The following HOMER2 variants were observed in gnomAD, a reference collection of about 807,000 sequenced individuals.
HOMER2 encodes homer protein homolog 2.
Under a neutral mutation model 47.0 loss-of-function variants are expected in HOMER2, and 27 were observed. The ratio of observed to expected loss-of-function variants is 0.57; its 90% CI spans 0.42 to 0.79. HOMER2 has a LOEUF of 0.79. Among genes scored for constraint, HOMER2 ranks in the 30% least tolerant of loss-of-function variants. The pLI is 0.00. For missense variants in HOMER2, 443 were observed against 435.0 expected (o/e 1.02, Z -0.16); for synonymous variants, 161 against 163.8 (o/e 0.98, Z 0.13).
chr15:82,893,329 C>CTTTTTTTTTTTTTTTTTTTTTTTTTT (rs771392216), intron 1 of HOMER2, among the ~76,000 whole-genome samples: 1 of 118,960 alleles, frequency 8.4e-6, no homozygotes, highest in Non-Finnish European at 1.7e-5. Flanking sequence ...ATAATTTTAT[C>CTTTTTTTTTTTTTTTTTTTTTTTTTT]TTTTTTTTTT....
intron 1 of HOMER2, among the ~76,000 whole-genome samples, chr15:82,959,817 C>T (rs2054615630): frequency 6.6e-6 from 1 of 152,166 alleles, no homozygotes; most frequent in African/African-American, 2.4e-5. Flanking sequence ...AAAAGGAGGA[C>T]ACCCAGCTCA....
At chr15:82,882,169 G>A (rs1345935605) in intron 2 of HOMER2, among the ~76,000 whole-genome samples, 1 of 152,248 alleles carries the variant, frequency 6.6e-6, no homozygotes, top group South Asian at 2.1e-4. Flanking sequence ...ATGCCCTCAT[G>A]TGGCTCCCAT....
rs1367583324 is a variant in HOMER2, at chr15:82,884,704, G to A, written c.162+7981C>T. On this transcript the variant is annotated intron_variant, in intron 2 of 8. Transcript: ENST00000450735. ...ATGATCTGGCTCTCTGTCTGTTGTT[G>A]GTGTATAAGAATGCTTGTGATTTTT... is the stretch of plus-strand genomic sequence containing the variant. Among the ~76,000 whole-genome samples, 6 of 78,494 alleles carry A rather than the reference G, an allele frequency of 7.6e-5. 3 individuals carry two copies. The highest frequency in any genetic ancestry group is 4.4e-4 in the African/African-American group (6 of 13,670). The allele number at this position is 78,494 out of a possible 152,430, so 51.5% of individuals were successfully genotyped here. A position where few individuals can be genotyped will look rare whatever the true frequency, so the allele number is the denominator to read the frequency against.
chr15:82,896,984 G>A (rs897337824), intron 1 of HOMER2, among the ~76,000 whole-genome samples: 9 of 151,478 alleles, frequency 5.9e-5, no homozygotes, highest in Non-Finnish European at 1.2e-4. Flanking sequence ...CTGAACAGGT[G>A]GGGAAACAGG....
intron 1 of HOMER2, among the ~76,000 whole-genome samples, chr15:82,979,751 G>A (rs2030327673): frequency 2.0e-5 from 3 of 152,182 alleles, no homozygotes; most frequent in South Asian, 4.1e-4. Context: ...GGGAAACTGC[G>A]AGGAAGCATT....
chr15:82,925,867 G>C (rs989498172), intron 1 of HOMER2: 1 of 151,100 alleles, frequency 6.6e-6, no homozygotes, highest in Non-Finnish European at 1.5e-5. Flanking sequence ...ATCAGACTCT[G>C]TCAACCACCA....
chr15:82,847,611 T>C (rs775290682), downstream of HOMER2, among the ~76,000 whole-genome samples: 6 of 152,236 alleles, frequency 3.9e-5, no homozygotes, highest in Non-Finnish European at 8.8e-5. Flanking sequence ...TATCAGAATG[T>C]ACAAGTGGCT....
chr15:82,940,656 G>A (rs2054245053), intron 1 of HOMER2, among the ~76,000 whole-genome samples: 1 of 151,986 alleles, frequency 6.6e-6, no homozygotes, highest in Admixed American at 6.6e-5. Flanking sequence ...GCAGGAGAAT[G>A]GCGTGAACCT....
chr15:82,849,899 G>C lies in HOMER2; in HGVS notation c.848C>G (p.Ala283Gly), dbSNP rs758932679. 32 of 1,613,202 alleles carry C rather than the reference G, an allele frequency of 2.0e-5. No individual in the cohort carries two copies. The highest frequency in any genetic ancestry group is 2.5e-6 in the Non-Finnish European group (3 of 1,179,460). Residue 283 changes from alanine (A) to glycine (G), a missense_variant, in exon 9 of 9, where the codon GCA becomes GGA. By Grantham distance (60) the Ala-to-Gly change is moderately conservative. Transcript: ENST00000450735. Reference sequence around the variant, plus strand: ...TTCCAGGTTTTGATTGTCTCTCTCTGCCGCCTGGCCAAGCAAAAGGGAGAA... The same window carrying C: ...TTCCAGGTTTTGATTGTCTCTCTCTCCCGCCTGGCCAAGCAAAAGGGAGAA... Reference protein sequence around the residue: ...CEYVSEKLEAAERDNQNLEDK... With the variant: ...CEYVSEKLEAGERDNQNLEDK...
chr15:82,864,104 C>G, intron 4 of HOMER2, 63 bp downstream of exon 4: 1 of 1,033,498 alleles, frequency 9.7e-7, no homozygotes. Flanking sequence ...CCAGAAGTGA[C>G]AAGGAACAAA....
intron 1 of HOMER2, among the ~76,000 whole-genome samples, chr15:82,907,456 A>G (rs1472789963): frequency 6.6e-6 from 1 of 151,642 alleles, no homozygotes; most frequent in Non-Finnish European, 1.5e-5. Context: ...AGAGAAAGAA[A>G]GAAGGAAGGA....
At chr15:82,925,308 G>C (rs151178926) in intron 1 of HOMER2, among the ~76,000 whole-genome samples, 1 of 152,136 alleles carries the variant, frequency 6.6e-6, no homozygotes, top group African/African-American at 2.4e-5. Context: ...CAGTAAGATG[G>C]GGCATTAGGC....
intron 2 of HOMER2, among the ~76,000 whole-genome samples, chr15:82,876,318 C>T (rs2052348573): frequency 6.6e-6 from 1 of 152,212 alleles, no homozygotes; most frequent in Non-Finnish European, 1.5e-5. Flanking sequence ...ATATCTAGCA[C>T]ATGGTACTTT....
chr15:82,861,128 G>A (rs1325466030), intron 4 of HOMER2, among the ~76,000 whole-genome samples: 1 of 152,240 alleles, frequency 6.6e-6, no homozygotes, highest in Non-Finnish European at 1.5e-5. Flanking sequence ...GCAGGTGGGA[G>A]TTAGAATGGT....
downstream of HOMER2, among the ~76,000 whole-genome samples, chr15:82,836,672 A>C (rs1567002977): frequency 6.6e-6 from 1 of 152,218 alleles, no homozygotes; most frequent in Non-Finnish European, 1.5e-5. Context: ...AATCCTATGG[A>C]TTGTCCTGGA....
intron 6 of HOMER2, chr15:82,852,688 A>G (rs925700198): frequency 2.3e-4 from 35 of 155,262 alleles, no homozygotes; most frequent in African/African-American, 8.2e-4. Context: ...GTTTCATCTC[A>G]AGGGTTTAAG....
At chr15:82,910,603 G>C (rs2053424701) in intron 1 of HOMER2, among the ~76,000 whole-genome samples, 1 of 152,130 alleles carries the variant, frequency 6.6e-6, no homozygotes, top group South Asian at 2.1e-4. Flanking sequence ...TAAATTTTGG[G>C]GGAAAGAAAT....
At chr15:82,928,573 T>C (rs2053914622) in intron 1 of HOMER2, among the ~76,000 whole-genome samples, 1 of 152,134 alleles carries the variant, frequency 6.6e-6, no homozygotes, top group Non-Finnish European at 1.5e-5. Context: ...CCTATCTAGG[T>C]TCAGATCATA....
intron 1 of HOMER2, among the ~76,000 whole-genome samples, chr15:82,905,285 A>G (rs376405822): frequency 8.3e-4 from 126 of 151,902 alleles, no homozygotes; most frequent in African/African-American, 2.9e-3. Flanking sequence ...GACTGAAAAA[A>G]AAAAAACCAC....
Sources: gnomAD v4.1 joint callset for allele counts (sites outside exome capture counted in the v4.1 genomes callset) on GRCh38, gnomAD v4.1.1 for gene constraint, MANE v1.5 for transcripts, NCBI Gene and HGNC (gene_info 2026-07-23, HGNC 2026-07-21) for gene names.